The following KIF19 variants were observed in gnomAD, a reference collection of about 807,000 sequenced individuals.
KIF19 encodes the protein kinesin-like protein KIF19.
In KIF19, 98 loss-of-function variants were observed where a neutral mutation model predicts 106.6. The observed-to-expected ratio is 0.92, with a 90% CI of 0.78 to 1.09. The LOEUF (loss-of-function observed/expected upper bound fraction) is 1.09, where lower values mean the gene tolerates loss of function less well. Ranked by LOEUF, KIF19 falls within the 50% of genes least tolerant of loss-of-function variation. The pLI is 0.00. For synonymous variants in KIF19, 516 were observed against 584.2 expected, an observed-to-expected ratio of 0.88 and a Z score of 1.68; for missense variants, 1,373 against 1,414.3, an observed-to-expected ratio of 0.97 and a Z score of 0.47.
intron 9 of KIF19, among the ~76,000 whole-genome samples, 180 bp downstream of exon 9, chr17:74,348,079 G>C: frequency 6.6e-6 from 1 of 152,146 alleles, no homozygotes. Context: ...CTCCTCTGCC[G>C]GGAAGCCGAC....
chr17:74,340,764 C>T (rs2054350916), intron 2 of KIF19, among the ~76,000 whole-genome samples: 1 of 152,232 alleles, frequency 6.6e-6, no homozygotes. Flanking sequence ...TGGAGATCCC[C>T]AAGCCCAGCG....
At chr17:74,352,173 C>T in intron 13 of KIF19, 36 bp downstream of exon 13, 1 of 1,588,058 alleles carries the variant, frequency 6.3e-7, no homozygotes, top group East Asian at 2.3e-5. Flanking sequence ...GAGCCACCCG[C>T]GGGGGGGCCG....
rs559855684 is a variant in KIF19 at position 74,338,432 on chromosome 17, A to G, written c.121-3444A>G. ...GCAGGGAGCCTGAGTGAGTGGCCTC[A>G]TTCTTTTCCCCGCACAAAGCCCCCG... On this transcript the variant is annotated intron_variant, in intron 2 of 19. Transcript: ENST00000389916. Among the ~76,000 whole-genome samples, 122 of 149,382 alleles carry G rather than the reference A, an allele frequency of 8.2e-4. 3 individuals are homozygous for G. The highest frequency in any genetic ancestry group is 1.6e-3 in the Non-Finnish European group (104 of 66,394).
chr17:74,355,202 CT>C lies in KIF19; in HGVS notation c.2888del (p.Leu963ArgfsTer67). 6.2e-7 allele frequency: 1 copy of C among 1,608,998 alleles called. No homozygotes were observed. Among genetic ancestry groups the C allele is most frequent in the South Asian group, 1.1e-5 (1 of 90,560 alleles). ...TGCAGGCCCGGGGGACTCCTCACCCCTGGCTGTTCCCCCCAACCCAGGTGGT... is the reference window on the plus strand; with the variant it reads ...TGCAGGCCCGGGGGACTCCTCACCCCGGCTGTTCCCCCCAACCCAGGTGGT... ...QNTGPGDSSP[L>X]AVPPNPGGGS... On this transcript the variant is annotated frameshift_variant, in exon 20 of 20. Transcript: ENST00000389916. LOFTEE classifies it low-confidence loss of function (END_TRUNC).
At chr17:74,340,581 C>T (rs976605944) in intron 2 of KIF19, among the ~76,000 whole-genome samples, 3 of 34,074 alleles carry the variant, frequency 8.8e-5, no homozygotes, top group Non-Finnish European at 2.0e-4. Context: ...ACACTGCTGC[C>T]ACTCCTACCC....
intron 2 of KIF19, among the ~76,000 whole-genome samples, chr17:74,337,287 G>A (rs2054242419): frequency 6.8e-6 from 1 of 146,140 alleles, no homozygotes; most frequent in Non-Finnish European, 1.5e-5. Flanking sequence ...TTAGAGGGAG[G>A]CTCAGAGGAT....
At chr17:74,348,768 G>T in intron 9 of KIF19, 1 of 206,828 alleles carries the variant, frequency 4.8e-6, no homozygotes, top group Non-Finnish European at 9.9e-6. Flanking sequence ...ACTGTGAGTG[G>T]GACCCTGAAG....
At position 74,354,253 on chromosome 17, in the gene KIF19, G is replaced by A. The variant is rs1488126753; in HGVS notation, c.2400G>A (p.Leu800=). 1.2e-6 allele frequency: 2 copies of A among 1,608,340 alleles called. No individual in the cohort carries two copies. Among genetic ancestry groups the A allele is most frequent in the East Asian group, 2.2e-5 (1 of 44,844 alleles). ...CCCTGGGAACCGAGGGGCGACACCT[G>A]CTGGCACCCGCGACAGAGCGCAGCA... ...SRALGTEGRH[L]LAPATERSSL... is the part of the protein sequence containing the mutation. Residue 800 remains leucine (L), a synonymous_variant, in exon 18 of 20, where the codon CTG becomes CTA. Coordinates refer to ENST00000389916, the MANE Select transcript of KIF19 (RefSeq NM_153209.4).
chr17:74,344,301 A>G lies in KIF19; in HGVS notation c.535A>G (p.Ile179Val). The G allele has an allele frequency of 6.2e-7, 1 of 1,612,808 alleles. No homozygotes were observed. Among genetic ancestry groups the G allele is most frequent in the African/African-American group, 1.3e-5 (1 of 74,992 alleles). ...GCTGCGGGAGGACTCTAAGGGGGTG[A>G]TCCAGGTGGCCGGCATCACCGAAGT... Reference protein sequence around the residue: ...LELREDSKGVIQVAGITEVST... With the variant: ...LELREDSKGVVQVAGITEVST... Residue 179 changes from isoleucine to valine, a missense_variant, in exon 6 of 20, where the codon ATC becomes GTC. By Grantham distance (29) the Ile-to-Val change is conservative. This residue lies in a region of KIF19 where 348 missense variants were observed against 389.5 expected (regional missense o/e 0.89). Transcript: ENST00000389916.
At chr17:74,345,089 C>A in intron 7 of KIF19, 134 bp downstream of exon 7, 1 of 851,072 alleles carries the variant, frequency 1.2e-6, no homozygotes, top group East Asian at 2.7e-5. Context: ...GGGACAGGGA[C>A]GCTGGCATCT....
intron 12 of KIF19, 198 bp downstream of exon 12, chr17:74,351,103 G>C (rs948539124): frequency 1.6e-6 from 1 of 610,236 alleles, no homozygotes; most frequent in Non-Finnish European, 2.9e-6. Context: ...GCAGTCCATG[G>C]TGCAGCCCTC....
At chr17:74,354,717 G>A in intron 18 of KIF19, 65 bp from the exon 19 acceptor site, 1 of 1,531,460 alleles carries the variant, frequency 6.5e-7, no homozygotes, top group Non-Finnish European at 8.8e-7. Flanking sequence ...ATAGTAGCTG[G>A]GACAGATCCT....
chr17:74,352,714 C>G, intron 14 of KIF19, 107 bp from the exon 15 acceptor site: 1 of 1,417,318 alleles, frequency 7.1e-7, no homozygotes, highest in South Asian at 1.2e-5. Context: ...TCTGGGGCTC[C>G]CAGGCCATCT....
chr17:74,354,600 A>AGCT, intron 18 of KIF19, 41 bp downstream of exon 18: 1 of 1,559,990 alleles, frequency 6.4e-7, no homozygotes, highest in Non-Finnish European at 8.7e-7. Flanking sequence ...GCACTCCCAT[A>AGCT]GCAGCTGGAG....
chr17:74,353,559 G>A lies in KIF19; in HGVS notation c.2286G>A (p.Ser762=), dbSNP rs146555239. Residue 762 remains serine (S), a synonymous_variant, in exon 17 of 20, where the codon TCG becomes TCA. Transcript: ENST00000389916. ...NSSPDSSENL[S]EIPLSHKERK... ...CCCCTGACAGCAGTGAGAACCTGTC[G>A]GAGATCCCCTTGTCCCACAAAGGTA... The A allele has an allele frequency of 1.3e-3, 2,079 of 1,613,696 alleles. 6 individuals are homozygous for A. Among genetic ancestry groups the A allele is most frequent in the Admixed American group, 2.0e-3 (120 of 60,026 alleles).
Position 74,354,279 on chromosome 17 carries a change from G to C in KIF19, c.2426G>C (p.Ser809Thr). 1 of 1,608,826 alleles carries C rather than the reference G, an allele frequency of 6.2e-7. No individual in the cohort carries two copies. Among genetic ancestry groups the C allele is most frequent in the Non-Finnish European group, 8.5e-7 (1 of 1,179,272 alleles). The stretch of plus-strand genomic sequence containing the variant: ...CTGGCACCCGCGACAGAGCGCAGCA[G>C]CCTGTCCCTGCACTCACTGAGCGAG... ...HLLAPATERS[S>T]LSLHSLSEGD... Residue 809 changes from serine to threonine, a missense_variant, in exon 18 of 20, where the codon AGC becomes ACC. Physicochemically the swap from Ser to Thr is moderately conservative, Grantham distance 58 (BLOSUM62 1). Around this residue, in one of 3 missense-constraint regions of KIF19, gnomAD observed 1,020 missense variants for 1,008.2 expected, o/e 1.01. Coordinates refer to ENST00000389916, the MANE Select transcript of KIF19 (RefSeq NM_153209.4).
chr17:74,330,299 T>A (rs2054041715), intron 2 of KIF19, among the ~76,000 whole-genome samples: 1 of 152,182 alleles, frequency 6.6e-6, no homozygotes, highest in Non-Finnish European at 1.5e-5. Flanking sequence ...CATGTGTAAG[T>A]GGAGACAGAC....
In KIF19 at chr17:74,344,874, C is replaced by G. The variant is rs1414857890; in HGVS notation, c.696C>G (p.Ser232Arg). 1 of 1,612,716 alleles carries G rather than the reference C, an allele frequency of 6.2e-7. No homozygotes were observed. The highest frequency in any genetic ancestry group is 2.2e-5 in the East Asian group (1 of 44,876). Residue 232 changes from serine to arginine, a missense_variant, in exon 7 of 20, where the codon AGC becomes AGG. Ser to Arg is a moderately radical substitution (Grantham distance 110). Transcript: ENST00000389916. ...TGCAGGTGACCGTGCGCCAGCGCAGCCGGGTCAAGAACATCTTGCAGGAGG... is the reference window on the plus strand; with the variant it reads ...TGCAGGTGACCGTGCGCCAGCGCAGGCGGGTCAAGAACATCTTGCAGGAGG... ...AVLQVTVRQR[S>R]RVKNILQEVR...
intron 2 of KIF19, among the ~76,000 whole-genome samples, chr17:74,330,411 G>A (rs753914260): frequency 4.6e-5 from 7 of 152,192 alleles, no homozygotes; most frequent in African/African-American, 9.6e-5. Flanking sequence ...AGTTATCAAC[G>A]TCTGCTAGAG....
Sources: allele counts gnomAD v4.1 joint callset (sites outside exome capture counted in the v4.1 genomes callset), GRCh38; gene constraint gnomAD v4.1.1; regional missense constraint gnomAD v4.1.1; transcripts MANE v1.5; gene names NCBI Gene and HGNC (gene_info 2026-07-23, HGNC 2026-07-21).